ZNF679: variants seen among roughly 807,000 people sequenced by gnomAD.
ZNF679 encodes the protein hypothetical protein MGC42415.
A neutral mutation model predicts 13.4 loss-of-function variants in ZNF679; 10 were observed. The observed-to-expected ratio is 0.75, with a 90% CI of 0.46 to 1.27. ZNF679 has a LOEUF of 1.27. Ranked by LOEUF, ZNF679 falls within the 50% of genes most tolerant of loss-of-function variation. ZNF679 has a pLI of 0.00. For missense variants in ZNF679, 525 were observed against 477.8 expected, an observed-to-expected ratio of 1.10 and a Z score of -0.92; for synonymous variants, 179 against 162.5, an observed-to-expected ratio of 1.10 and a Z score of -0.77.
intron 1 of ZNF679, among the ~76,000 whole-genome samples, chr7:64,239,421 G>T (rs1787765469): frequency 6.6e-6 from 1 of 152,124 alleles, no homozygotes; most frequent in South Asian, 2.1e-4. Flanking sequence ...GTAATTGGGA[G>T]TCCCATTCCT....
intron 2 of ZNF679, among the ~76,000 whole-genome samples, chr7:64,254,657 A>G (rs1189585887): frequency 6.6e-6 from 1 of 152,154 alleles, no homozygotes; most frequent in Non-Finnish European, 1.5e-5. Flanking sequence ...TGAGAAGCAT[A>G]GATGAGTCCC....
chr7:64,233,703 T>C (rs1167894345), intron 1 of ZNF679, among the ~76,000 whole-genome samples: 1 of 152,082 alleles, frequency 6.6e-6, no homozygotes, highest in Non-Finnish European at 1.5e-5. Flanking sequence ...TTCACCTTCA[T>C]TCCCAATTGC....
At chr7:64,242,870 C>T (rs10251372) in intron 1 of ZNF679, among the ~76,000 whole-genome samples, 45,631 of 151,922 alleles carry the variant, frequency 0.3, 7,643 homozygotes, top group East Asian at 0.48. Context: ...GGTATAAGAG[C>T]CATTGCTGGG....
At chr7:64,264,067 A>G (rs1788111850) in intron 4 of ZNF679, among the ~76,000 whole-genome samples, 2 of 152,268 alleles carry the variant, frequency 1.3e-5, no homozygotes, top group Middle Eastern at 3.4e-3. Context: ...ACTTATACAT[A>G]TAGATAGACA....
At chr7:64,235,036 C>A (rs1057195154) in intron 1 of ZNF679, among the ~76,000 whole-genome samples, 3 of 152,092 alleles carry the variant, frequency 2.0e-5, no homozygotes, top group African/African-American at 7.2e-5. Context: ...CAGGGTTTCG[C>A]CATGTTGGCC....
chr7:64,264,213 A>G (rs1788113750), intron 4 of ZNF679, among the ~76,000 whole-genome samples: 1 of 151,662 alleles, frequency 6.6e-6, no homozygotes, highest in Non-Finnish European at 1.5e-5. Context: ...TGGAGATTTC[A>G]TAACACCTCT....
chr7:64,250,426 C>T (rs1274425085), intron 2 of ZNF679, among the ~76,000 whole-genome samples: 2 of 151,234 alleles, frequency 1.3e-5, no homozygotes, highest in Non-Finnish European at 2.9e-5. Context: ...CCCACCACCA[C>T]GCCCGGCTAA....
At chr7:64,236,804 A>AAAAG (rs937124248) in intron 1 of ZNF679, among the ~76,000 whole-genome samples, 5 of 151,580 alleles carry the variant, frequency 3.3e-5, no homozygotes, top group East Asian at 1.9e-4. Context: ...GAAGGAAAGA[A>AAAAG]AAAGAAAGAA....
At chr7:64,236,974 A>AG (rs1491188505) in intron 1 of ZNF679, among the ~76,000 whole-genome samples, 35 of 7,090 alleles carry the variant, frequency 4.9e-3, no homozygotes, top group African/African-American at 0.016. Context: ...AGAAAGAAAG[A>AG]AAAAGAAAGA....
chr7:64,230,261 C>T (rs1366200030), intron 1 of ZNF679, among the ~76,000 whole-genome samples: 4 of 152,126 alleles, frequency 2.6e-5, no homozygotes, highest in East Asian at 1.9e-4. Flanking sequence ...AGGCCGGGCG[C>T]GGTGGCTCAC....
At chr7:64,252,365 A>T (rs554861442) in intron 2 of ZNF679, among the ~76,000 whole-genome samples, 1 of 152,356 alleles carries the variant, frequency 6.6e-6, no homozygotes, top group African/African-American at 2.4e-5. Context: ...CAAAATATTT[A>T]CAAAGGTCGT....
intron 4 of ZNF679, among the ~76,000 whole-genome samples, chr7:64,262,782 T>C (rs572145674): frequency 6.6e-6 from 1 of 152,318 alleles, no homozygotes; most frequent in African/African-American, 2.4e-5. Context: ...TCTCTAGATA[T>C]AGTTCAAAAT....
chr7:64,235,230 A>G (rs1787692597), intron 1 of ZNF679, among the ~76,000 whole-genome samples: 1 of 152,104 alleles, frequency 6.6e-6, no homozygotes, highest in African/African-American at 2.4e-5. Flanking sequence ...AGTAAACAAC[A>G]TGTTCCTGAA....
intron 2 of ZNF679, among the ~76,000 whole-genome samples, chr7:64,253,845 G>T (rs1171613502): frequency 6.6e-6 from 1 of 152,122 alleles, no homozygotes; most frequent in Non-Finnish European, 1.5e-5. Context: ...GTTGTATGTT[G>T]GCTTAGACTG....
In ZNF679 at chr7:64,236,922, G is replaced by GAA. The variant is rs58504724; in HGVS notation, c.-91+8271_-91+8272dup. On this transcript the variant is annotated intron_variant, in intron 1 of 4. Transcript: ENST00000421025. ...AAAAAGAAAAAAAGAAAGAAAGAAAGAAGAAAGAAAGAAAGAAAGAAAGAA... is the reference window on the plus strand; with the variant it reads ...AAAAAGAAAAAAAGAAAGAAAGAAAGAAAAGAAAGAAAGAAAGAAAGAAAGAA... Among the ~76,000 whole-genome samples, 11 of 85,398 alleles carry GAA rather than the reference G, an allele frequency of 1.3e-4. No individual in the cohort carries two copies. The South Asian group carries it at 5.1e-3, about 40-fold the overall frequency. The allele number at this position is 85,398 out of a possible 152,430, so 56.0% of individuals were successfully genotyped here.
At chr7:64,255,621 T>TA (rs572987024) in intron 2 of ZNF679, among the ~76,000 whole-genome samples, 12 of 151,826 alleles carry the variant, frequency 7.9e-5, no homozygotes, top group African/African-American at 2.2e-4. Context: ...TTTTTATTTT[T>TA]TTTTTGAGAC....
In ZNF679 at chr7:64,266,422, T is replaced by C; in HGVS notation, c.789T>C (p.Thr263=). The change falls in exon 5 of 5, where the codon ACT becomes ACC. Residue 263 remains threonine (T), a synonymous_variant. Coordinates refer to ENST00000421025, the MANE Select transcript of ZNF679 (RefSeq NM_153363.3). ...STLTKHRRIH[T]GEKPYTCEEC... is the part of the protein sequence containing the mutation. Reference sequence around the variant, plus strand: ...TTACTAAACATAGGAGAATTCATACTGGAGAAAAACCCTACACATGTGAAG... The same window carrying C: ...TTACTAAACATAGGAGAATTCATACCGGAGAAAAACCCTACACATGTGAAG... 6.2e-7 allele frequency: 1 copy of C among 1,612,984 alleles called. No homozygotes were observed. The highest frequency in any genetic ancestry group is 1.3e-5 in the African/African-American group (1 of 75,020).
At chr7:64,245,271 C>T (rs1415359663) in intron 1 of ZNF679, among the ~76,000 whole-genome samples, 2 of 152,184 alleles carry the variant, frequency 1.3e-5, no homozygotes, top group Non-Finnish European at 2.9e-5. Context: ...GGTGATCCAC[C>T]TGCCTCGGCC....
At chr7:64,247,290 C>CT (rs746524665) in intron 1 of ZNF679, among the ~76,000 whole-genome samples, 52 of 152,270 alleles carry the variant, frequency 3.4e-4, no homozygotes, top group Non-Finnish European at 6.2e-4. Context: ...AAATGCAGTC[C>CT]TGTAGGTCTC....
Sources: gnomAD v4.1 joint callset for allele counts (sites outside exome capture counted in the v4.1 genomes callset) on GRCh38, gnomAD v4.1.1 for gene constraint, MANE v1.5 for transcripts, NCBI Gene and HGNC (gene_info 2026-07-23, HGNC 2026-07-21) for gene names.